DDI1: variants seen among roughly 807,000 people sequenced by gnomAD.
The protein encoded by DDI1 is DDI proteasomal shuttling factor 1, also known as protein DDI1 homolog 1.
Under a neutral mutation model 7.2 loss-of-function variants are expected in DDI1, and 6 were observed. The observed-to-expected ratio is 0.83, with a 90% CI of 0.46 to 1.64. The LOEUF is 1.64. Ranked by LOEUF, DDI1 falls within the 40% of genes most tolerant of loss-of-function variation. The pLI is 0.01. For synonymous variants in DDI1, 221 were observed against 201.7 expected (o/e 1.10, Z -0.81); for missense variants, 502 against 516.6 (o/e 0.97, Z 0.27).
Position 104,037,229 on chromosome 11 carries a change from GC to G in DDI1, c.409del (p.Leu137CysfsTer9). On this transcript the variant is annotated frameshift_variant, in exon 1 of 1. Transcript: ENST00000302259. LOFTEE classifies it high-confidence loss of function. ...TTGGCGTCAGGAGAGAAGGTGGCCG[GC>G]CTGCAAGGTCTGGGCAGCCCCGCCC... ...QGLASGEKVA[G>X]LQGLGSPALI... is the part of the protein sequence containing the mutation. 1 of 1,613,688 alleles carries G rather than the reference GC, an allele frequency of 6.2e-7. No homozygotes were observed. The highest frequency in any genetic ancestry group is 1.1e-5 in the South Asian group (1 of 91,074).
In DDI1 at chr11:104,037,799, T is replaced by A; in HGVS notation, c.977T>A (p.Met326Lys). The A allele has an allele frequency of 6.2e-7, 1 of 1,614,148 alleles. No individual in the cohort carries two copies. Among genetic ancestry groups the A allele is most frequent in the Non-Finnish European group, 8.5e-7 (1 of 1,180,024 alleles). Reference protein sequence around the residue: ...CSFSILEDQPMDMLLGLDMLR... With the variant: ...CSFSILEDQPKDMLLGLDMLR... The stretch of plus-strand genomic sequence containing the variant: ...TTCTCCATACTTGAGGATCAACCCA[T>A]GGATATGCTTCTAGGCCTAGATATG... Residue 326 changes from methionine to lysine, a missense_variant, in exon 1 of 1, where the codon ATG becomes AAG. Transcript: ENST00000302259.
At position 104,037,628 on chromosome 11, in the gene DDI1, G is replaced by A. The variant is rs761129966; in HGVS notation, c.806G>A (p.Ser269Asn). 65 of 1,614,036 alleles carry A rather than the reference G, an allele frequency of 4.0e-5. No individual in the cohort carries two copies. In the South Asian group the frequency reaches 6.5e-4, roughly 16 times the overall value. ...TCGGGCGCCCAGATGACCATTATGA[G>A]CCAGGCTTGTGCCGAGCGATGTAAC... ...VDSGAQMTIM[S>N]QACAERCNIM... The change falls in exon 1 of 1, where the codon AGC becomes AAC. Residue 269 changes from serine to asparagine, a missense_variant. Physicochemically the swap from Ser to Asn is conservative, Grantham distance 46. Coordinates refer to ENST00000302259, the MANE Select transcript of DDI1 (RefSeq NM_001001711.3).
In DDI1 at chr11:104,037,914, A is replaced by T. The variant is rs1250354050; in HGVS notation, c.1092A>T (p.Gly364=). The T allele has an allele frequency of 6.2e-7, 1 of 1,614,166 alleles. No individual in the cohort carries two copies. The highest frequency in any genetic ancestry group is 1.7e-5 in the Admixed American group (1 of 60,018). Residue 364 remains glycine (G), a synonymous_variant, in exon 1 of 1, where the codon GGA becomes GGT. Transcript: ENST00000302259. ...CGCAGACTTATTTTCTTCCTGAGGG[A>T]GAGTTGCCCTTATGCTCTAGGATGG... ...TGTQTYFLPE[G]ELPLCSRMVS...
Position 104,037,468 on chromosome 11 carries a change from G to C in DDI1, c.646G>C (p.Glu216Gln). Residue 216 changes from glutamate (E) to glutamine (Q), a missense_variant, in exon 1 of 1, where the codon GAG becomes CAG. Physicochemically the swap from Glu to Gln is conservative, Grantham distance 29. Coordinates refer to ENST00000302259, the MANE Select transcript of DDI1 (RefSeq NM_001001711.3). ...TCGGGAAGCTCAGGCCAAAATAGAAGAGGAAATCCGGCAGCAAAACATTGA... is the reference window on the plus strand; with the variant it reads ...TCGGGAAGCTCAGGCCAAAATAGAACAGGAAATCCGGCAGCAAAACATTGA... The part of the protein sequence containing the change: ...LDREAQAKIE[E>Q]EIRQQNIEEN... The C allele has an allele frequency of 6.2e-7, 1 of 1,614,128 alleles. No homozygotes were observed. Among genetic ancestry groups the C allele is most frequent in the African/African-American group, 1.3e-5 (1 of 75,064 alleles).
At position 104,037,322 on chromosome 11, in the gene DDI1, T is replaced by G. The variant is rs768971635; in HGVS notation, c.500T>G (p.Leu167Trp). The G allele has an allele frequency of 6.2e-7, 1 of 1,613,772 alleles. No homozygotes were observed. Among genetic ancestry groups the G allele is most frequent in the Non-Finnish European group, 8.5e-7 (1 of 1,179,720 alleles). The change falls in exon 1 of 1, where the codon TTG becomes TGG. Residue 167 changes from leucine (L) to tryptophan (W), a missense_variant. Physicochemically the swap from Leu to Trp is moderately conservative, Grantham distance 61 (BLOSUM62 -2). Coordinates refer to ENST00000302259, the MANE Select transcript of DDI1 (RefSeq NM_001001711.3). ...CTGCTCAAGGAACGCAACCCTCCCT[T>G]GGCGGAAGCCCTGCTCAGCGGAAGC... is the stretch of plus-strand genomic sequence containing the variant. ...LSLLKERNPPLAEALLSGSLE... is the reference protein window; with the variant it reads ...LSLLKERNPPWAEALLSGSLE...
rs147578350 is a variant in DDI1 at position 104,036,866 on chromosome 11, T to A, written c.44T>A (p.Val15Asp). Residue 15 changes from valine to aspartate, a missense_variant, in exon 1 of 1, where the codon GTC (valine) becomes GAC (aspartate). By Grantham distance (152) the Val-to-Asp change is radical. Transcript: ENST00000302259. ...VYCVRRDLSEVTFSLQVSPDF... is the reference protein window; with the variant it reads ...VYCVRRDLSEDTFSLQVSPDF... ...TGCGTGCGGAGGGACCTCTCCGAGG[T>A]CACCTTCTCTCTCCAGGTCAGCCCC... 4 of 1,613,890 alleles carry A rather than the reference T, an allele frequency of 2.5e-6. No homozygotes were observed. Among genetic ancestry groups the A allele is most frequent in the Non-Finnish European group, 3.4e-6 (4 of 1,179,994 alleles).
rs760519987 is a variant in DDI1 at position 104,037,890 on chromosome 11, G to A, written c.1068G>A (p.Thr356=). ...KNVLVIGTTG[T]QTYFLPEGEL... is the part of the protein sequence containing the mutation. ...TGCTGGTCATCGGCACCACTGGCAC[G>A]CAGACTTATTTTCTTCCTGAGGGAG... The change falls in exon 1 of 1, where the codon ACG becomes ACA. Residue 356 remains threonine (T), a synonymous_variant. Coordinates refer to ENST00000302259, the MANE Select transcript of DDI1 (RefSeq NM_001001711.3). 1.6e-5 allele frequency: 26 copies of A among 1,614,028 alleles called. No individual in the cohort carries two copies. The African/African-American group carries it at 2.0e-4, about 12-fold the overall frequency.
Position 104,037,320 on chromosome 11 carries a change from C to T in DDI1, c.498C>T (p.Pro166=). The change falls in exon 1 of 1, where the codon CCC becomes CCT. Residue 166 remains proline, a synonymous_variant. Coordinates refer to ENST00000302259, the MANE Select transcript of DDI1 (RefSeq NM_001001711.3). The stretch of plus-strand genomic sequence containing the variant: ...CCCTGCTCAAGGAACGCAACCCTCC[C>T]TTGGCGGAAGCCCTGCTCAGCGGAA... ...DLSLLKERNP[P]LAEALLSGSL... 1 of 1,613,826 alleles carries T rather than the reference C, an allele frequency of 6.2e-7. No individual in the cohort carries two copies. Among genetic ancestry groups the T allele is most frequent in the South Asian group, 1.1e-5 (1 of 91,084 alleles).
In DDI1 at chr11:104,037,176, C is replaced by T. The variant is rs1187528223; in HGVS notation, c.354C>T (p.Arg118=). 1.2e-6 allele frequency: 2 copies of T among 1,613,536 alleles called. No individual in the cohort carries two copies. Among genetic ancestry groups the T allele is most frequent in the Admixed American group, 1.7e-5 (1 of 59,996 alleles). ...AGCACCCTGGACAGCAGCAGCAGCG[C>T]ACACCCGCTGCCCAGCGGTCACAGG... ...RPQHPGQQQQ[R]TPAAQRSQGL... is the part of the protein sequence containing the mutation. The change falls in exon 1 of 1, where the codon CGC becomes CGT. Residue 118 remains arginine, a synonymous_variant. Coordinates refer to ENST00000302259, the MANE Select transcript of DDI1 (RefSeq NM_001001711.3).
rs1282317304 is a variant in DDI1 at position 104,037,016 on chromosome 11, G to A, written c.194G>A (p.Gly65Asp). The A allele has an allele frequency of 6.2e-7, 1 of 1,614,240 alleles. No homozygotes were observed. The highest frequency in any genetic ancestry group is 8.5e-7 in the Non-Finnish European group (1 of 1,180,044). The part of the protein sequence containing the change: ...IEDHCSLGSY[G>D]LKDGDIVVLL... ...GACCACTGTTCCCTGGGCTCCTACG[G>A]CCTCAAAGATGGCGATATCGTGGTT... Residue 65 changes from glycine (G) to aspartate (D), a missense_variant, in exon 1 of 1, where the codon GGC becomes GAC. Physicochemically the swap from Gly to Asp is moderately conservative, Grantham distance 94. Transcript: ENST00000302259.
At position 104,037,030 on chromosome 11, in the gene DDI1, G is replaced by A. The variant is rs755145908; in HGVS notation, c.208G>A (p.Asp70Asn). The A allele has an allele frequency of 2.5e-6, 4 of 1,614,224 alleles. No individual in the cohort carries two copies. Among genetic ancestry groups the A allele is most frequent in the African/African-American group, 1.3e-5 (1 of 75,066 alleles). ...GGGCTCCTACGGCCTCAAAGATGGC[G>A]ATATCGTGGTTTTACTGCAGAAGGA... ...SLGSYGLKDG[D>N]IVVLLQKDNV... The change falls in exon 1 of 1, where the codon GAT (aspartate) becomes AAT (asparagine). Residue 70 changes from aspartate to asparagine, a missense_variant. Asp to Asn is a conservative substitution (Grantham distance 23). Coordinates refer to ENST00000302259, the MANE Select transcript of DDI1 (RefSeq NM_001001711.3).
rs1166784066 is a variant in DDI1, at chr11:104,036,833, C to G, written c.11C>G (p.Thr4Ser). Residue 4 changes from threonine (T) to serine (S), a missense_variant, in exon 1 of 1, where the codon ACC (threonine) becomes AGC (serine). Transcript: ENST00000302259. Reference sequence around the variant, plus strand: ...GCCCGGGCCCCCGCCATGCTGATCACCGTGTACTGCGTGCGGAGGGACCTC... The same window carrying G: ...GCCCGGGCCCCCGCCATGCTGATCAGCGTGTACTGCGTGCGGAGGGACCTC... MLITVYCVRRDLSE... is the reference protein window; with the variant it reads MLISVYCVRRDLSE... 5 of 1,613,886 alleles carry G rather than the reference C, an allele frequency of 3.1e-6. No individual in the cohort carries two copies. In the Admixed American group the frequency reaches 8.3e-5, roughly 27 times the overall value.
rs201327933 is a variant in DDI1 at position 104,036,807 on chromosome 11, C to T, written c.-16C>T. 9 of 1,604,358 alleles carry T rather than the reference C, an allele frequency of 5.6e-6. No homozygotes were observed. The highest frequency in any genetic ancestry group is 1.1e-5 in the South Asian group (1 of 90,478). ...GCCCATGCCCTCTGCTAGCCCGGCC[C>T]GCCCGGGCCCCCGCCATGCTGATCA... On this transcript the variant is annotated 5_prime_UTR_variant, in exon 1 of 1. Coordinates refer to ENST00000302259, the MANE Select transcript of DDI1 (RefSeq NM_001001711.3).
chr11:104,036,680 C>A lies in DDI1; in HGVS notation c.-143C>A, dbSNP rs1001438638. On this transcript the variant is annotated 5_prime_UTR_variant, in exon 1 of 1. Coordinates refer to ENST00000302259, the MANE Select transcript of DDI1 (RefSeq NM_001001711.3). ...CAGCCCCCAGACAGATGAGTGTCCG[C>A]GCCTCTCTGAGAGGTGAATGAGCCC... The A allele has an allele frequency of 1.0e-5, 7 of 677,262 alleles. No homozygotes were observed. Among genetic ancestry groups the A allele is most frequent in the African/African-American group, 1.8e-5 (1 of 55,870 alleles). 42.0% of individuals were successfully genotyped at this position (677,262 alleles called of 1,614,324 possible). A position where few individuals can be genotyped will look rare whatever the true frequency, so the allele number is the denominator to read the frequency against.
Position 104,036,682 on chromosome 11 carries a change from CCTCT to C in DDI1, c.-138_-135del. ...GCCCCCAGACAGATGAGTGTCCGCG[CCTCT>C]CTGAGAGGTGAATGAGCCCGGACGG... is the stretch of plus-strand genomic sequence containing the variant. On this transcript the variant is annotated 5_prime_UTR_variant, in exon 1 of 1. An upstream open reading frame in the 5' UTR gains an earlier in-frame stop. Transcript: ENST00000302259. 2 of 688,052 alleles carry C rather than the reference CCTCT, an allele frequency of 2.9e-6. No homozygotes were observed. The highest frequency in any genetic ancestry group is 5.0e-6 in the Non-Finnish European group (2 of 397,422). The allele number at this position is 688,052 out of a possible 1,614,324, so 42.6% of individuals were successfully genotyped here.
In DDI1 at chr11:104,037,852, T is replaced by G. The variant is rs1013306084; in HGVS notation, c.1030T>G (p.Leu344Val). Reference sequence around the variant, plus strand: ...CCGGAGACATCAATGTTCCATCGATTTGAAGAAAAATGTGCTGGTCATCGG... The same window carrying G: ...CCGGAGACATCAATGTTCCATCGATGTGAAGAAAAATGTGCTGGTCATCGG... ...MLRRHQCSID[L>V]KKNVLVIGTT... Residue 344 changes from leucine to valine, a missense_variant, in exon 1 of 1, where the codon TTG becomes GTG. By Grantham distance (32) the Leu-to-Val change is conservative. Coordinates refer to ENST00000302259, the MANE Select transcript of DDI1 (RefSeq NM_001001711.3). 3.1e-6 allele frequency: 5 copies of G among 1,614,058 alleles called. No homozygotes were observed. The highest frequency in any genetic ancestry group is 1.3e-5 in the African/African-American group (1 of 74,918).
chr11:104,037,416 T>C lies in DDI1; in HGVS notation c.594T>C (p.Leu198=), dbSNP rs773780173. 6.2e-7 allele frequency: 1 copy of C among 1,614,046 alleles called. No individual in the cohort carries two copies. Among genetic ancestry groups the C allele is most frequent in the South Asian group, 1.1e-5 (1 of 91,086 alleles). The change falls in exon 1 of 1, where the codon CTT becomes CTC. Residue 198 remains leucine, a synonymous_variant. Coordinates refer to ENST00000302259, the MANE Select transcript of DDI1 (RefSeq NM_001001711.3). ...AGGCCTTGAGAGAGCAAGAGAGGCT[T>C]CGTCTCTACACAGCCGACCCACTGG... is the stretch of plus-strand genomic sequence containing the variant. The part of the protein sequence containing the change: ...REKALREQER[L]RLYTADPLDR...
chr11:104,038,516 T>C lies in DDI1; in HGVS notation c.*503T>C, dbSNP rs114152921. The C allele has an allele frequency of 2.5e-3, 430 of 173,162 alleles. 2 individuals are homozygous for C. Among genetic ancestry groups the C allele is most frequent in the African/African-American group, 0.01 (417 of 41,596 alleles). 10.7% of individuals were successfully genotyped at this position (173,162 alleles called of 1,614,324 possible). On this transcript the variant is annotated 3_prime_UTR_variant, in exon 1 of 1. Coordinates refer to ENST00000302259, the MANE Select transcript of DDI1 (RefSeq NM_001001711.3). ...ATTAGAAATGGTAGGTCAGTTACAC[T>C]ATGATGTTAACTAATACTTATACAT...
At position 104,037,645 on chromosome 11, in the gene DDI1, C is replaced by G. The variant is rs981047287; in HGVS notation, c.823C>G (p.Arg275Gly). 8.1e-6 allele frequency: 13 copies of G among 1,614,084 alleles called. No individual in the cohort carries two copies. The highest frequency in any genetic ancestry group is 2.2e-5 in the East Asian group (1 of 44,884). The change falls in exon 1 of 1, where the codon CGA (arginine) becomes GGA (glycine). Residue 275 changes from arginine to glycine, a missense_variant. Physicochemically the swap from Arg to Gly is moderately radical, Grantham distance 125. Transcript: ENST00000302259. Reference protein sequence around the residue: ...MTIMSQACAERCNIMRLVDRR... With the variant: ...MTIMSQACAEGCNIMRLVDRR... ...CATTATGAGCCAGGCTTGTGCCGAG[C>G]GATGTAACATCATGAGGCTGGTGGA...
Sources: gnomAD v4.1 joint callset for allele counts on GRCh38, gnomAD v4.1.1 for gene constraint, MANE v1.5 for transcripts, NCBI Gene and HGNC (gene_info 2026-07-23, HGNC 2026-07-21) for gene names.